The following BDKRB2 variants were observed in gnomAD, a reference collection of about 807,000 sequenced individuals.
BDKRB2 encodes bradykinin receptor B2.
In BDKRB2, 6 loss-of-function variants were observed where a neutral mutation model predicts 4.0. That is an observed-to-expected ratio of 1.49 (90% CI 0.81 to 2.93). The LOEUF is 2.93. BDKRB2 is among the 30% of genes most tolerant of loss of function. The pLI is 0.00. For synonymous variants in BDKRB2, 225 were observed against 215.3 expected, an observed-to-expected ratio of 1.05 and a Z score of -0.40; for missense variants, 478 against 520.1, an observed-to-expected ratio of 0.92 and a Z score of 0.79.
intron 2 of BDKRB2, 70 bp downstream of exon 2, chr14:96,237,251 A>T (rs1380626928): frequency 3.6e-6 from 5 of 1,400,794 alleles, no homozygotes; most frequent in Non-Finnish European, 5.0e-6. Flanking sequence ...ACTCCCTGGA[A>T]AGCTCAACTC....
At chr14:96,227,558 AAC>A (rs1040393861) in intron 1 of BDKRB2, among the ~76,000 whole-genome samples, 10 of 151,950 alleles carry the variant, frequency 6.6e-5, no homozygotes, top group South Asian at 4.2e-4. Context: ...TGCACACACA[AAC>A]ACACACATGT....
At chr14:96,226,084 C>T (rs916011985) in intron 1 of BDKRB2, among the ~76,000 whole-genome samples, 1 of 152,158 alleles carries the variant, frequency 6.6e-6, no homozygotes, top group East Asian at 1.9e-4. Context: ...AGACCTGCAG[C>T]CTTCCTTTCT....
At position 96,242,893 on chromosome 14, in the gene BDKRB2, G is replaced by A. The variant is rs3809418; in HGVS notation, c.*1389G>A. The A allele has an allele frequency of 0.031, 4,769 of 152,462 alleles. 145 individuals are homozygous for A. The highest frequency in any genetic ancestry group is 0.13 in the East Asian group (683 of 5,186). The allele number at this position is 152,462 out of a possible 1,614,324, so 9.4% of individuals were successfully genotyped here. A position where few individuals can be genotyped will look rare whatever the true frequency, so the allele number is the denominator to read the frequency against. On this transcript the variant is annotated 3_prime_UTR_variant, in exon 3 of 3. Coordinates refer to ENST00000554311, the MANE Select transcript of BDKRB2 (RefSeq NM_001379692.1). ...CCCTAGAAGAGTGTGAAAAGGAATG[G>A]CAATGGTGTTCACCATCGGCAGTGC...
At position 96,240,481 on chromosome 14, in the gene BDKRB2, G is replaced by T; in HGVS notation, c.153G>T (p.Glu51Asp). The T allele has an allele frequency of 6.5e-7, 1 of 1,528,324 alleles. No individual in the cohort carries two copies. The highest frequency in any genetic ancestry group is 8.8e-7 in the Non-Finnish European group (1 of 1,140,336). 94.7% of individuals were successfully genotyped at this position (1,528,324 alleles called of 1,614,324 possible). A position where few individuals can be genotyped will look rare whatever the true frequency, so the allele number is the denominator to read the frequency against. ...TFAQSKCPQV[E>D]WLGWLNTIQP... ...CCCAGAGCAAATGCCCCCAAGTGGA[G>T]TGGCTGGGCTGGCTCAACACCATCC... Residue 51 changes from glutamate (E) to aspartate (D), a missense_variant, in exon 3 of 3, where the codon GAG (glutamate) becomes GAT (aspartate). Coordinates refer to ENST00000554311, the MANE Select transcript of BDKRB2 (RefSeq NM_001379692.1).
At chr14:96,214,965 A>G (rs565025900) in intron 1 of BDKRB2, 8 of 152,338 alleles carry the variant, frequency 5.3e-5, no homozygotes, top group African/African-American at 1.9e-4. Flanking sequence ...CTGTAGACCT[A>G]AGAGAGTTCC....
chr14:96,207,296 G>T (rs567554512), intron 1 of BDKRB2, among the ~76,000 whole-genome samples: 8 of 152,268 alleles, frequency 5.3e-5, no homozygotes, highest in African/African-American at 1.9e-4. Flanking sequence ...TGCTCATATA[G>T]CAGGCAATAA....
rs746727096 is a variant in BDKRB2 at position 96,241,024 on chromosome 14, C to T, written c.696C>T (p.Gly232=). 1.9e-6 allele frequency: 3 copies of T among 1,608,028 alleles called. No individual in the cohort carries two copies. The highest frequency in any genetic ancestry group is 2.7e-5 in the African/African-American group (2 of 74,848). ...VFTNMLLNVV[G]FLLPLSVITF... is the part of the protein sequence containing the mutation. ...CCAACATGCTCCTGAATGTCGTGGG[C>T]TTCCTGCTGCCCCTGAGTGTCATCA... is the stretch of plus-strand genomic sequence containing the variant. Residue 232 remains glycine (G), a synonymous_variant, in exon 3 of 3, where the codon GGC becomes GGT. Transcript: ENST00000554311.
In BDKRB2 at chr14:96,242,511, G is replaced by A. The variant is rs2069592; in HGVS notation, c.*1007G>A. 11,443 of 152,342 alleles carry A rather than the reference G, an allele frequency of 0.075. 573 individuals carry two copies. The highest frequency in any genetic ancestry group is 0.11 in the Non-Finnish European group (7,357 of 68,046). The allele number at this position is 152,342 out of a possible 1,614,324, so 9.4% of individuals were successfully genotyped here. ...GACACTGAGGTCTAGAAATAGCTCC[G>A]TGGAGCAGAATCAGTATTGGGAGCC... is the stretch of plus-strand genomic sequence containing the variant. On this transcript the variant is annotated 3_prime_UTR_variant, in exon 3 of 3. Transcript: ENST00000554311.
intron 1 of BDKRB2, among the ~76,000 whole-genome samples, chr14:96,216,429 G>A (rs931517282): frequency 2.6e-5 from 4 of 151,988 alleles, no homozygotes; most frequent in East Asian, 1.9e-4. Context: ...CCAGGAGTTC[G>A]AGACAAGCCT....
At chr14:96,224,053 T>C (rs1890639659) in intron 1 of BDKRB2, among the ~76,000 whole-genome samples, 1 of 151,666 alleles carries the variant, frequency 6.6e-6, no homozygotes, top group African/African-American at 2.4e-5. Context: ...TTATGCTTTC[T>C]GAAATAAGAG....
At chr14:96,223,249 G>T in intron 1 of BDKRB2, 3 of 1,065,158 alleles carry the variant, frequency 2.8e-6, no homozygotes, top group East Asian at 4.7e-5. Flanking sequence ...GAATCTTGGC[G>T]TTCAGCAGAG....
At chr14:96,218,865 G>A (rs1352205891) in intron 1 of BDKRB2, among the ~76,000 whole-genome samples, 1 of 151,988 alleles carries the variant, frequency 6.6e-6, no homozygotes, top group Non-Finnish European at 1.5e-5. Context: ...GTTGCAGTGA[G>A]CCAAGATCAC....
At chr14:96,224,477 T>C (rs1890650349) in intron 1 of BDKRB2, among the ~76,000 whole-genome samples, 1 of 152,148 alleles carries the variant, frequency 6.6e-6, no homozygotes, top group Admixed American at 6.5e-5. Flanking sequence ...ATAAATGAAA[T>C]GAAGATATGT....
intron 1 of BDKRB2, among the ~76,000 whole-genome samples, chr14:96,210,481 G>A (rs964399095): frequency 6.6e-6 from 1 of 152,200 alleles, no homozygotes; most frequent in East Asian, 1.9e-4. Flanking sequence ...CACCATCAGC[G>A]TGACTCTAAC....
At chr14:96,229,651 C>T (rs760385789) in intron 1 of BDKRB2, among the ~76,000 whole-genome samples, 30 of 152,000 alleles carry the variant, frequency 2.0e-4, no homozygotes, top group Non-Finnish European at 3.1e-4. Context: ...ACAGACTCAC[C>T]GCAGCAGAGC....
At position 96,210,022 on chromosome 14, in the gene BDKRB2, C is replaced by A. The variant is rs200215081; in HGVS notation, c.-40+5063C>A. On this transcript the variant is annotated intron_variant, in intron 1 of 2. Coordinates refer to ENST00000554311, the MANE Select transcript of BDKRB2 (RefSeq NM_001379692.1). ...AAATAATAATAATAATAATAATCAT[C>A]ATCATCATCATCATAGCATATAGGA... Among the ~76,000 whole-genome samples the A allele has an allele frequency of 5.9e-3, 715 of 121,892 alleles. 5 individuals carry two copies. The highest frequency in any genetic ancestry group is 0.015 in the Admixed American group (186 of 12,530). 80.0% of individuals were successfully genotyped at this position (121,892 alleles called of 152,430 possible).
intron 2 of BDKRB2, chr14:96,238,799 AG>A: frequency 2.0e-6 from 2 of 985,748 alleles, no homozygotes; most frequent in South Asian, 9.4e-5. Context: ...CCCCTCTCCA[AG>A]TCTGTGTCCC....
chr14:96,206,064 G>A (rs1159616278), intron 1 of BDKRB2, among the ~76,000 whole-genome samples: 1 of 152,202 alleles, frequency 6.6e-6, no homozygotes, highest in Non-Finnish European at 1.5e-5. Context: ...GAACAGGTAA[G>A]CAACCCCAGA....
chr14:96,236,527 G>A (rs919726213), intron 1 of BDKRB2, among the ~76,000 whole-genome samples: 2 of 152,228 alleles, frequency 1.3e-5, no homozygotes, highest in African/African-American at 2.4e-5. Context: ...GGCATGTCAG[G>A]TTTACCCTCT....
Sources: gnomAD v4.1 joint callset for allele counts (sites outside exome capture counted in the v4.1 genomes callset) on GRCh38, gnomAD v4.1.1 for gene constraint, MANE v1.5 for transcripts, NCBI Gene and HGNC (gene_info 2026-07-23, HGNC 2026-07-21) for gene names.